Variants in MIDN observed in about 807,000 individuals in gnomAD.
MIDN encodes midnolin.
In MIDN, 26 loss-of-function variants were observed where a neutral mutation model predicts 46.1. The ratio of observed to expected loss-of-function variants is 0.56; its 90% CI spans 0.41 to 0.78. The LOEUF (loss-of-function observed/expected upper bound fraction) is 0.78, where lower values mean the gene tolerates loss of function less well. MIDN is among the 30% of genes least tolerant of loss of function. The pLI is 0.00. For synonymous variants in MIDN, 432 were observed against 343.3 expected, an observed-to-expected ratio of 1.26 and a Z score of -2.86; for missense variants, 850 against 771.8, an observed-to-expected ratio of 1.10 and a Z score of -1.20.
chr19:1,251,808 A>G, intron 3 of MIDN, 31 bp from the exon 4 acceptor site: 3 of 1,600,970 alleles, frequency 1.9e-6, no homozygotes, highest in Non-Finnish European at 2.6e-6. Context: ...CCGACCCCAC[A>G]CTCAGGCCCC....
Position 1,258,979 on chromosome 19 carries a change from C to A in MIDN, c.*1707C>A, listed in dbSNP as rs2081235159. The A allele has an allele frequency of 6.6e-6, 1 of 151,910 alleles. No homozygotes were observed. The highest frequency in any genetic ancestry group is 1.5e-5 in the Non-Finnish European group (1 of 67,950). The allele number at this position is 151,910 out of a possible 1,614,324, so 9.4% of individuals were successfully genotyped here. A position where few individuals can be genotyped will look rare whatever the true frequency, so the allele number is the denominator to read the frequency against. ...GCAGGAACCGGCTCGCCACCCTCTGCCCGGTAAGGGCTGCCCAAGAAAGCA... is the reference window on the plus strand; with the variant it reads ...GCAGGAACCGGCTCGCCACCCTCTGACCGGTAAGGGCTGCCCAAGAAAGCA... On this transcript the variant is annotated 3_prime_UTR_variant, in exon 9 of 9. Coordinates refer to ENST00000682408, the MANE Select transcript of MIDN (RefSeq NM_001388306.1).
Position 1,255,040 on chromosome 19 carries a change from G to T in MIDN, c.964G>T (p.Val322Phe). The stretch of plus-strand genomic sequence containing the variant: ...GAGCTTTGTGAATCACGCCCCGGGG[G>T]TCTTCTCAGGGACCTTCTCTGGTAG... ...IESFVNHAPGVFSGTFSGTLH... is the reference protein window; with the variant it reads ...IESFVNHAPGFFSGTFSGTLH... Residue 322 changes from valine to phenylalanine, a missense_variant, in exon 7 of 9, where the codon GTC (valine) becomes TTC (phenylalanine). By Grantham distance (50) the Val-to-Phe change is conservative. Coordinates refer to ENST00000682408, the MANE Select transcript of MIDN (RefSeq NM_001388306.1). The T allele has an allele frequency of 2.5e-6, 4 of 1,613,024 alleles. No homozygotes were observed. Among genetic ancestry groups the T allele is most frequent in the Non-Finnish European group, 3.4e-6 (4 of 1,179,696 alleles).
Position 1,253,425 on chromosome 19 carries a change from C to T in MIDN, c.385-529C>T, listed in dbSNP as rs77257696. On this transcript the variant is annotated intron_variant, in intron 4 of 8. Transcript: ENST00000682408. ...CACTTCTCAGAAACCTCCGCCACCC[C>T]CCCCCCCATCCCGGCCACTGGGGAG... is the stretch of plus-strand genomic sequence containing the variant. Among the ~76,000 whole-genome samples, 8 of 150,432 alleles carry T rather than the reference C, an allele frequency of 5.3e-5. No individual in the cohort carries two copies. The East Asian group carries it at 5.8e-4, about 11-fold the overall frequency.
rs758580814 is a variant in MIDN at position 1,254,321 on chromosome 19, G to A, written c.668G>A (p.Gly223Glu). The stretch of plus-strand genomic sequence containing the variant: ...GCGGCCGCCGCCGCTGCTGCGCGGG[G>A]GGACCCCAGCATAGCCTCCCCCGTG... ...AAAAAAAAAR[G>E]DPSIASPVSS... Residue 223 changes from glycine (G) to glutamate (E), a missense_variant, in exon 6 of 9, where the codon GGG becomes GAG. Coordinates refer to ENST00000682408, the MANE Select transcript of MIDN (RefSeq NM_001388306.1). 6.4e-6 allele frequency: 10 copies of A among 1,571,066 alleles called. No homozygotes were observed. The African/African-American group carries it at 1.2e-4, about 19-fold the overall frequency.
rs2081103318 is a variant in MIDN at position 1,249,972 on chromosome 19, GCCA to G, written c.-321_-319del. On this transcript the variant is annotated 5_prime_UTR_variant, in exon 2 of 9. Coordinates refer to ENST00000682408, the MANE Select transcript of MIDN (RefSeq NM_001388306.1). ...ACCCGGGCGGCAGACGGCACCCAGC[GCCA>G]CCAGCCGAGCGGCGCCCCCTCCCCA... 1 of 151,734 alleles carries G rather than the reference GCCA, an allele frequency of 6.6e-6. No individual in the cohort carries two copies. The highest frequency in any genetic ancestry group is 1.5e-5 in the Non-Finnish European group (1 of 67,862). The allele number at this position is 151,734 out of a possible 1,614,324, so 9.4% of individuals were successfully genotyped here.
chr19:1,252,244 T>G (rs1476446885), intron 4 of MIDN, among the ~76,000 whole-genome samples: 1 of 148,824 alleles, frequency 6.7e-6, no homozygotes, highest in African/African-American at 2.5e-5. Flanking sequence ...GGAGCCCCCC[T>G]CCAGCCGCTG....
chr19:1,256,784 C>T (rs1046506478), intron 8 of MIDN, among the ~76,000 whole-genome samples: 1 of 152,208 alleles, frequency 6.6e-6, no homozygotes, highest in Non-Finnish European at 1.5e-5. Context: ...TCAAGCGATT[C>T]TCCTGCCTCG....
chr19:1,255,918 C>T (rs1205907189), intron 8 of MIDN, among the ~76,000 whole-genome samples: 1 of 152,272 alleles, frequency 6.6e-6, no homozygotes, highest in East Asian at 1.9e-4. Flanking sequence ...CCCACTTCCT[C>T]CTGCCCCACC....
At chr19:1,254,587 T>A in intron 6 of MIDN, 109 bp downstream of exon 6, 1 of 1,175,604 alleles carries the variant, frequency 8.5e-7, no homozygotes, top group Non-Finnish European at 1.2e-6. Flanking sequence ...GAGTCCCTTG[T>A]ATTAAGGGCT....
At position 1,255,517 on chromosome 19, in the gene MIDN, C is replaced by T. The variant is rs901299658; in HGVS notation, c.1081C>T (p.Arg361Trp). ...QILNDLLSAT[R>W]HYQGMPPSLA... ...CCTGAACGACCTCCTGAGCGCCACC[C>T]GGCACTACCAGGGCATGCCCCCTTC... The change falls in exon 8 of 9, where the codon CGG becomes TGG. Residue 361 changes from arginine to tryptophan, a missense_variant. Physicochemically the swap from Arg to Trp is moderately radical, Grantham distance 101 (BLOSUM62 -3). Transcript: ENST00000682408. The T allele has an allele frequency of 6.2e-6, 10 of 1,611,878 alleles. No individual in the cohort carries two copies. The highest frequency in any genetic ancestry group is 1.3e-5 in the African/African-American group (1 of 75,042).
chr19:1,250,483 C>T lies in MIDN; in HGVS notation c.187C>T (p.Arg63Cys). The T allele has an allele frequency of 7.3e-7, 1 of 1,368,220 alleles. No individual in the cohort carries two copies. Among genetic ancestry groups the T allele is most frequent in the African/African-American group, 1.5e-5 (1 of 66,218 alleles). 84.8% of individuals were successfully genotyped at this position (1,368,220 alleles called of 1,614,324 possible). ...VEGLRKRLSQ[R>C]LKVPKERLAL... ...GGGGCTGCGCAAGCGGTTGTCCCAG[C>T]GCCTCAAAGTGCCCAAGGAGCGCCT... The change falls in exon 2 of 9, where the codon CGC becomes TGC. Residue 63 changes from arginine (R) to cysteine (C), a missense_variant. Arg to Cys is a radical substitution (Grantham distance 180). Transcript: ENST00000682408.
At chr19:1,255,338 T>G in intron 7 of MIDN, 84 bp from the exon 8 acceptor site, 4 of 1,454,986 alleles carry the variant, frequency 2.7e-6, no homozygotes, top group Non-Finnish European at 3.7e-6. Flanking sequence ...TTGCCTGAGC[T>G]CATGAGCTCA....
chr19:1,250,283 A>T lies in MIDN; in HGVS notation c.-14A>T, dbSNP rs1233160815. ...CGGCGCCCGCCGCCCCCAGCCCCCC[A>T]GCGCGCGCCGGGGATGGAGCCGCAG... On this transcript the variant is annotated 5_prime_UTR_variant, in exon 2 of 9. Transcript: ENST00000682408. 1 of 956,750 alleles carries T rather than the reference A, an allele frequency of 1.0e-6. No individual in the cohort carries two copies. Among genetic ancestry groups the T allele is most frequent in the Non-Finnish European group, 1.2e-6 (1 of 805,634 alleles). The allele number at this position is 956,750 out of a possible 1,614,324, so 59.3% of individuals were successfully genotyped here. A position where few individuals can be genotyped will look rare whatever the true frequency, so the allele number is the denominator to read the frequency against.
rs1189513680 is a variant in MIDN at position 1,254,011 on chromosome 19, T to C, written c.442T>C (p.Phe148Leu). ...AGGGGFRKYR[F>L]ILFKRPWHRQ... Reference sequence around the variant, plus strand: ...CGGAGGAGGCTTCCGGAAATACAGATTCATTTTATTTAAGCGTCCGTGGCA... The same window carrying C: ...CGGAGGAGGCTTCCGGAAATACAGACTCATTTTATTTAAGCGTCCGTGGCA... Residue 148 changes from phenylalanine (F) to leucine (L), a missense_variant, in exon 5 of 9, where the codon TTC becomes CTC. Physicochemically the swap from Phe to Leu is conservative, Grantham distance 22. Coordinates refer to ENST00000682408, the MANE Select transcript of MIDN (RefSeq NM_001388306.1). The C allele has an allele frequency of 1.4e-6, 2 of 1,409,050 alleles. No individual in the cohort carries two copies. Among genetic ancestry groups the C allele is most frequent in the Non-Finnish European group, 1.8e-6 (2 of 1,089,638 alleles). The allele number at this position is 1,409,050 out of a possible 1,614,324, so 87.3% of individuals were successfully genotyped here.
At chr19:1,253,143 G>A (rs1394567107) in intron 4 of MIDN, among the ~76,000 whole-genome samples, 1 of 151,964 alleles carries the variant, frequency 6.6e-6, no homozygotes, top group Non-Finnish European at 1.5e-5. Context: ...GGAGGAAGTT[G>A]CAGGGCGGGT....
intron 2 of MIDN, chr19:1,251,301 T>G: frequency 2.0e-6 from 1 of 492,338 alleles, no homozygotes; most frequent in Non-Finnish European, 3.6e-6. Flanking sequence ...AAGTGCCTGG[T>G]TGGGGTGCAG....
At chr19:1,256,962 T>C in intron 8 of MIDN, 33 bp from the exon 9 acceptor site, 1 of 1,602,358 alleles carries the variant, frequency 6.2e-7, no homozygotes, top group Non-Finnish European at 8.5e-7. Context: ...AGGTGGAGGC[T>C]TTGGGAGTCA....
At chr19:1,251,818 C>G in intron 3 of MIDN, 21 bp from the exon 4 acceptor site, 2 of 1,610,418 alleles carry the variant, frequency 1.2e-6, no homozygotes, top group East Asian at 2.2e-5. Flanking sequence ...ACTCAGGCCC[C>G]TCTCCTCCCT....
chr19:1,253,348 G>A (rs962423799), intron 4 of MIDN, among the ~76,000 whole-genome samples: 3 of 152,114 alleles, frequency 2.0e-5, no homozygotes, highest in South Asian at 2.1e-4. Flanking sequence ...GGAGAGGAGA[G>A]CCGGGAGGGA....
Sources: allele counts gnomAD v4.1 joint callset (sites outside exome capture counted in the v4.1 genomes callset), GRCh38; gene constraint gnomAD v4.1.1; transcripts MANE v1.5; gene names NCBI Gene and HGNC (gene_info 2026-07-23, HGNC 2026-07-21).